PLEKHA4: variants seen among roughly 807,000 people sequenced by gnomAD.
PLEKHA4 encodes pleckstrin homology domain-containing family A member 4.
A neutral mutation model predicts 94.7 loss-of-function variants in PLEKHA4; 73 were observed. That is an observed-to-expected ratio of 0.77 (90% CI 0.64 to 0.94). PLEKHA4 has a LOEUF of 0.94. Ranked by LOEUF, PLEKHA4 falls within the 40% of genes least tolerant of loss-of-function variation. The pLI, the probability that PLEKHA4 is intolerant of heterozygous loss-of-function variation, is 0.00. For synonymous variants in PLEKHA4, 449 were observed against 437.1 expected (o/e 1.03, Z -0.34); for missense variants, 1,049 against 1,054.1 (o/e 1.00, Z 0.07).
chr19:48,867,760 G>A lies in PLEKHA4; in HGVS notation c.-6-134C>T, dbSNP rs1041601978. ...TTCGGGACTTGGGGGGCTGGGGGAG[G>A]CCATGGCCCGTGACCACATACCAAG... On this transcript the variant is annotated intron_variant, in intron 1 of 19. Transcript: ENST00000263265. The surrounding 1 kb of genome is among the most constrained non-coding windows in gnomAD (Gnocchi z 4.7). The A allele has an allele frequency of 1.5e-5, 12 of 825,018 alleles. No individual in the cohort carries two copies. Among genetic ancestry groups the A allele is most frequent in the Middle Eastern group, 5.7e-4 (2 of 3,484 alleles). 51.1% of individuals were successfully genotyped at this position (825,018 alleles called of 1,614,324 possible).
chr19:48,849,589 G>A (rs575397402), intron 13 of PLEKHA4, among the ~76,000 whole-genome samples: 3 of 152,310 alleles, frequency 2.0e-5, no homozygotes, highest in African/African-American at 4.8e-5. Flanking sequence ...GACTACAGGC[G>A]TGAGCCAACA....
intron 9 of PLEKHA4, among the ~76,000 whole-genome samples, 155 bp downstream of exon 9, chr19:48,857,267 C>G (rs763577267): frequency 3.3e-5 from 5 of 152,170 alleles, no homozygotes; most frequent in Non-Finnish European, 4.4e-5. Context: ...CGGCCATGCG[C>G]TTTGTTACAG....
chr19:48,861,235 C>T (rs938565604), intron 5 of PLEKHA4, among the ~76,000 whole-genome samples, 166 bp downstream of exon 5: 1 of 151,982 alleles, frequency 6.6e-6, no homozygotes, highest in African/African-American at 2.4e-5. Context: ...AAAAACAAAC[C>T]AAAACAAAAC....
chr19:48,861,591 C>T, intron 4 of PLEKHA4, 29 bp downstream of exon 4: 1 of 1,613,554 alleles, frequency 6.2e-7, no homozygotes, highest in Non-Finnish European at 8.5e-7. Flanking sequence ...GGGGCCCTCC[C>T]ACCCCAAGCC....
At chr19:48,857,729 G>A (rs1396829938) in intron 8 of PLEKHA4, among the ~76,000 whole-genome samples, 4 of 150,894 alleles carry the variant, frequency 2.7e-5, no homozygotes, top group African/African-American at 9.8e-5. Flanking sequence ...TGCTCGTTAA[G>A]AGTCATCACC....
intron 18 of PLEKHA4, 40 bp downstream of exon 18, chr19:48,839,165 T>A (rs933344693): frequency 6.6e-7 from 1 of 1,515,746 alleles, no homozygotes; most frequent in Non-Finnish European, 8.9e-7. Flanking sequence ...TTTGCAAATT[T>A]TTTTTTCCTG....
rs866294 is a variant in PLEKHA4, at chr19:48,837,914, A to G, written c.2077+103T>C. ...AACTCTTTACTCACCAAGATAAAAA[A>G]TTCTCACCGGCCCCCAGACCCCTCC... On this transcript the variant is annotated intron_variant, in intron 19 of 19. Coordinates refer to ENST00000263265, the MANE Select transcript of PLEKHA4 (RefSeq NM_020904.3). The surrounding 1 kb of genome is among the most constrained non-coding windows in gnomAD (Gnocchi z 4.3). 1 of 953,222 alleles carries G rather than the reference A, an allele frequency of 1.0e-6. No individual in the cohort carries two copies. The highest frequency in any genetic ancestry group is 1.5e-5 in the South Asian group (1 of 65,262). 59.0% of individuals were successfully genotyped at this position (953,222 alleles called of 1,614,324 possible).
At chr19:48,848,888 A>G (rs1462245489) in intron 13 of PLEKHA4, among the ~76,000 whole-genome samples, 5 of 152,014 alleles carry the variant, frequency 3.3e-5, no homozygotes, top group Non-Finnish European at 7.4e-5. Flanking sequence ...CCATACGAAT[A>G]TGAGAGTCTG....
In PLEKHA4 at chr19:48,865,558, G is replaced by C; in HGVS notation, c.137C>G (p.Ala46Gly). 1 of 1,614,002 alleles carries C rather than the reference G, an allele frequency of 6.2e-7. No homozygotes were observed. Residue 46 changes from alanine to glycine, a missense_variant, in exon 3 of 20, where the codon GCG becomes GGG. By Grantham distance (60) the Ala-to-Gly change is moderately conservative. Coordinates refer to ENST00000263265, the MANE Select transcript of PLEKHA4 (RefSeq NM_020904.3). ...GGGAAGGTTGGGATCCCTCCTGAGC[G>C]CATTGCCTCTCTTCCCAAAGGCGTG... Reference protein sequence around the residue: ...KIHAFGKRGNALRRDPNLPVH... With the variant: ...KIHAFGKRGNGLRRDPNLPVH...
chr19:48,862,173 A>C lies in PLEKHA4; in HGVS notation c.193-481T>G, dbSNP rs535713668. Among the ~76,000 whole-genome samples the C allele has an allele frequency of 1.1e-4, 17 of 150,922 alleles. No homozygotes were observed. The South Asian group carries it at 3.4e-3, about 30-fold the overall frequency. On this transcript the variant is annotated intron_variant, in intron 3 of 19. Transcript: ENST00000263265. Reference sequence around the variant, plus strand: ...AGCCCTCTGAACATGATAGAATAGAATAGTAGCCCTACTTCTTTTCTTTTC... The same window carrying C: ...AGCCCTCTGAACATGATAGAATAGACTAGTAGCCCTACTTCTTTTCTTTTC...
intron 14 of PLEKHA4, among the ~76,000 whole-genome samples, chr19:48,846,147 A>T (rs1421283702): frequency 6.7e-6 from 1 of 149,370 alleles, no homozygotes; most frequent in Non-Finnish European, 1.5e-5. Context: ...ACATAGCAAG[A>T]CCCCTTCCCT....
At chr19:48,838,782 G>C (rs1375307301) in intron 18 of PLEKHA4, among the ~76,000 whole-genome samples, 1 of 145,226 alleles carries the variant, frequency 6.9e-6, no homozygotes, top group South Asian at 2.2e-4. Flanking sequence ...AAAAAAAAAA[G>C]TAAAAAATAA....
intron 2 of PLEKHA4, among the ~76,000 whole-genome samples, chr19:48,866,209 A>G (rs1251033894): frequency 1.3e-5 from 2 of 151,200 alleles, no homozygotes; most frequent in Non-Finnish European, 3.0e-5. Context: ...CCTCCCATGT[A>G]GCTGGGACCA....
chr19:48,861,356 T>G (rs758297521), intron 5 of PLEKHA4, 45 bp downstream of exon 5: 2 of 1,520,336 alleles, frequency 1.3e-6, no homozygotes, highest in Non-Finnish European at 1.8e-6. Context: ...CGCCCTCATC[T>G]CCAGTTCCCA....
chr19:48,839,803 A>G lies in PLEKHA4; in HGVS notation c.1906-540T>C, dbSNP rs949679381. Among the ~76,000 whole-genome samples, 10 of 151,978 alleles carry G rather than the reference A, an allele frequency of 6.6e-5. No homozygotes were observed. In the East Asian group the frequency reaches 1.6e-3, roughly 24 times the overall value. ...CCTGTGACTTGTCTAAATCCTTTCT[A>G]TAAAAGTCTAAGGGGCCGGGTCTGG... On this transcript the variant is annotated intron_variant, in intron 17 of 19. Coordinates refer to ENST00000263265, the MANE Select transcript of PLEKHA4 (RefSeq NM_020904.3).
Position 48,847,990 on chromosome 19 carries a change from T to G in PLEKHA4, c.1476A>C (p.Ala492=), listed in dbSNP as rs1439163323. 1.9e-6 allele frequency: 3 copies of G among 1,613,536 alleles called. No homozygotes were observed. The highest frequency in any genetic ancestry group is 1.7e-6 in the Non-Finnish European group (2 of 1,179,858). ...GCGGTTTCTGGGGGCCACCCAGACCTGCCAGCGTGTCTTCCACCATCCACA... is the reference window on the plus strand; with the variant it reads ...GCGGTTTCTGGGGGCCACCCAGACCGGCCAGCGTGTCTTCCACCATCCACA... ...QQLWMVEDTL[A]GLGGPQKPPP... The change falls in exon 14 of 20, where the codon GCA becomes GCC. Residue 492 remains alanine (A), a synonymous_variant. Transcript: ENST00000263265.
At position 48,845,395 on chromosome 19, in the gene PLEKHA4, A is replaced by C; in HGVS notation, c.1718T>G (p.Leu573Arg). ...SRASSPEGRH[L>R]PSPQLGTKAP... ...CTTGGTTCCTAGCTGTGGGGAAGGG[A>C]GGTGGCGACCCTCAGGGCTGGAAGC... Residue 573 changes from leucine to arginine, a missense_variant, in exon 16 of 20, where the codon CTC (leucine) becomes CGC (arginine). By Grantham distance (102) the Leu-to-Arg change is moderately radical (BLOSUM62 -2). Transcript: ENST00000263265. The C allele has an allele frequency of 6.2e-7, 1 of 1,613,286 alleles. No homozygotes were observed. Among genetic ancestry groups the C allele is most frequent in the African/African-American group, 1.3e-5 (1 of 75,010 alleles).
Position 48,852,239 on chromosome 19 carries a change from C to A in PLEKHA4, c.1414G>T (p.Gly472Cys). 6.2e-7 allele frequency: 1 copy of A among 1,613,898 alleles called. No individual in the cohort carries two copies. The highest frequency in any genetic ancestry group is 1.6e-4 in the Middle Eastern group (1 of 6,062). ...AAGCAGCGATTTACCTGGGGAGAAC[C>A]AAGGTGCAGCAGGTACTCCAGCGTC... ...RETLEYLLHL[G>C]SPQDRVSAQQ... Residue 472 changes from glycine (G) to cysteine (C), a missense_variant, in exon 13 of 20, where the codon GGT becomes TGT. By Grantham distance (159) the Gly-to-Cys change is radical. Coordinates refer to ENST00000263265, the MANE Select transcript of PLEKHA4 (RefSeq NM_020904.3).
At chr19:48,860,777 AAAGGAAAG>A (rs754331013) in intron 5 of PLEKHA4, among the ~76,000 whole-genome samples, 124 of 151,662 alleles carry the variant, frequency 8.2e-4, no homozygotes, top group Non-Finnish European at 1.5e-3. Flanking sequence ...GTCAAGAAAG[AAAGGAAAG>A]AGGGAAAGAG....
Sources: gnomAD v4.1 joint callset for allele counts (sites outside exome capture counted in the v4.1 genomes callset) on GRCh38, gnomAD v4.1.1 for gene constraint, Gnocchi (gnomAD v3.1) non-coding constraint, MANE v1.5 for transcripts, NCBI Gene and HGNC (gene_info 2026-07-23, HGNC 2026-07-21) for gene names.